Variants in PAX8 observed in about 807,000 individuals in gnomAD.
PAX8 encodes paired box 8.
Under a neutral mutation model 52.4 loss-of-function variants are expected in PAX8, and 15 were observed. The ratio of observed to expected loss-of-function variants is 0.29; its 90% CI spans 0.19 to 0.44. The LOEUF (loss-of-function observed/expected upper bound fraction) is 0.44, where lower values mean the gene tolerates loss of function less well. PAX8 is among the 20% of genes least tolerant of loss of function. The probability of loss-of-function intolerance (pLI) is 1.00; values close to 1 mark genes in which losing one functional copy is unlikely to be tolerated. For missense variants in PAX8, 554 were observed against 602.5 expected, an observed-to-expected ratio of 0.92 and a Z score of 0.84; for synonymous variants, 284 against 249.7, an observed-to-expected ratio of 1.14 and a Z score of -1.29.
At chr2:113,232,867 G>A (rs914918461) in intron 9 of PAX8, among the ~76,000 whole-genome samples, 7 of 151,898 alleles carry the variant, frequency 4.6e-5, no homozygotes, top group Non-Finnish European at 8.8e-5. Context: ...GCTTCTCCGC[G>A]GCTTCCACAG....
intron 10 of PAX8, among the ~76,000 whole-genome samples, chr2:113,220,871 A>C (rs1197425818): frequency 1.3e-5 from 2 of 152,124 alleles, no homozygotes; most frequent in Non-Finnish European, 1.5e-5. Context: ...TCAACGTATA[A>C]ATTTACACAA....
Position 113,235,555 on chromosome 2 carries a change from T to C in PAX8, c.926A>G (p.Gln309Arg), listed in dbSNP as rs1410685063. The change falls in exon 9 of 12, where the codon CAG (glutamine) becomes CGG (arginine). Residue 309 changes from glutamine to arginine, a missense_variant. Physicochemically the swap from Gln to Arg is conservative, Grantham distance 43 (BLOSUM62 1). This residue lies in a region of PAX8 where 445 missense variants were observed against 409.9 expected (regional missense o/e 1.09). Transcript: ENST00000429538. Reference sequence around the variant, plus strand: ...AGAACTGGACACCTCGGGGGTTTCCTGCTTTATGGCGAAGGGTGAGTGAGG... The same window carrying C: ...AGAACTGGACACCTCGGGGGTTTCCCGCTTTATGGCGAAGGGTGAGTGAGG... Reference protein sequence around the residue: ...ADPHSPFAIKQETPEVSSSSS... With the variant: ...ADPHSPFAIKRETPEVSSSSS... 1 of 1,613,326 alleles carries C rather than the reference T, an allele frequency of 6.2e-7. No homozygotes were observed. Among genetic ancestry groups the C allele is most frequent in the South Asian group, 1.1e-5 (1 of 91,040 alleles).
At chr2:113,258,066 T>G (rs750226774) in intron 2 of PAX8, among the ~76,000 whole-genome samples, 4 of 152,230 alleles carry the variant, frequency 2.6e-5, no homozygotes, top group Non-Finnish European at 5.9e-5. Flanking sequence ...GCAGCAGCAC[T>G]GTATTCCAGG....
chr2:113,236,538 A>C, intron 8 of PAX8, 63 bp downstream of exon 8: 3 of 1,525,740 alleles, frequency 2.0e-6, no homozygotes, highest in Middle Eastern at 2.1e-4. Context: ...CTTCCGCCTG[A>C]CAGCCAGCCA....
rs1364011398 is a variant in PAX8, at chr2:113,227,186, A to G, written c.1158T>C (p.Tyr386=). ...CCATGCCTGCGATGGCAGAGGAGGC[A>G]TAGCTGCCCTGTCCGCTGGTGGGGA... ...PHIPTSGQGS[Y]ASSAIAGMVA... The change falls in exon 10 of 12, where the codon TAT becomes TAC. Residue 386 remains tyrosine, a synonymous_variant. Transcript: ENST00000429538. 1.9e-6 allele frequency: 3 copies of G among 1,607,724 alleles called. No homozygotes were observed. The Admixed American group carries it at 5.1e-5, about 27-fold the overall frequency.
At position 113,241,619 on chromosome 2, in the gene PAX8, C is replaced by G. The variant is rs199890664; in HGVS notation, c.709G>C (p.Glu237Gln). The change falls in exon 7 of 12, where the codon GAG (glutamate) becomes CAG (glutamine). Residue 237 changes from glutamate (E) to glutamine (Q), a missense_variant. By Grantham distance (29) the Glu-to-Gln change is conservative. Transcript: ENST00000429538. ...AFSQHHLEPL[E>Q]CPFERQHYPE... ...TAGTGCTGCCGCTCAAATGGGCACT[C>G]GAGCGGCTCGAGGTGGTGCTGGCTG... is the stretch of plus-strand genomic sequence containing the variant. The G allele has an allele frequency of 4.3e-5, 69 of 1,613,534 alleles. No homozygotes were observed. Among genetic ancestry groups the G allele is most frequent in the Admixed American group, 1.0e-4 (6 of 59,992 alleles).
chr2:113,244,868 T>C lies in PAX8; in HGVS notation c.192-244A>G, dbSNP rs67081417. ...AAGGCCTCACCTTGGCTTCTCTCTC[T>C]TCCTTCCCTCTGGCCAGTCTCTTGT... On this transcript the variant is annotated intron_variant, in intron 3 of 11. Transcript: ENST00000429538. 0.17 allele frequency among the ~76,000 whole-genome samples: 25,584 copies of C among 152,004 alleles called. 2,225 individuals carry two copies. Among genetic ancestry groups the C allele is most frequent in the African/African-American group, 0.21 (8,631 of 41,428 alleles).
chr2:113,251,534 C>T (rs1343415040), intron 2 of PAX8, among the ~76,000 whole-genome samples: 1 of 152,128 alleles, frequency 6.6e-6, no homozygotes, highest in Non-Finnish European at 1.5e-5. Flanking sequence ...GTGAAAGGTA[C>T]TCAGACGGGA....
chr2:113,243,707 T>G (rs1353038522), intron 4 of PAX8, among the ~76,000 whole-genome samples: 1 of 152,232 alleles, frequency 6.6e-6, no homozygotes, highest in Non-Finnish European at 1.5e-5. Flanking sequence ...ACTGGTTTTC[T>G]TTTGATCCTA....
chr2:113,253,386 A>T (rs1290300585), intron 2 of PAX8, among the ~76,000 whole-genome samples: 1 of 151,956 alleles, frequency 6.6e-6, no homozygotes, highest in African/African-American at 2.4e-5. Context: ...TCTATTGGAG[A>T]TTTCCTCTTA....
At chr2:113,277,963 C>G (rs1248294269) in intron 2 of PAX8, among the ~76,000 whole-genome samples, 1 of 152,130 alleles carries the variant, frequency 6.6e-6, no homozygotes, top group Non-Finnish European at 1.5e-5. Flanking sequence ...AAGGACTGCG[C>G]GCACCCGAGG....
chr2:113,245,484 T>C (rs1018542834), intron 3 of PAX8, among the ~76,000 whole-genome samples: 3 of 152,156 alleles, frequency 2.0e-5, no homozygotes, highest in African/African-American at 7.2e-5. Context: ...TCACTGGTTT[T>C]CTATCAGGTT....
Position 113,217,952 on chromosome 2 carries a change from A to G in PAX8, c.*581T>C, listed in dbSNP as rs1689081680. On this transcript the variant is annotated 3_prime_UTR_variant, in exon 12 of 12. Transcript: ENST00000429538. ...AGCCCTCAGCCCATGCCCAAGAGGG[A>G]GGTGTAGAAAGAGCCAAGCAAATGG... is the stretch of plus-strand genomic sequence containing the variant. 2.1e-5 allele frequency: 5 copies of G among 233,224 alleles called. No individual in the cohort carries two copies. In the East Asian group the frequency reaches 3.0e-4, roughly 14 times the overall value. 14.4% of individuals were successfully genotyped at this position (233,224 alleles called of 1,614,324 possible).
intron 10 of PAX8, among the ~76,000 whole-genome samples, chr2:113,224,471 C>T (rs1394869673): frequency 4.7e-5 from 7 of 148,660 alleles, no homozygotes; most frequent in African/African-American, 7.5e-5. Context: ...CACTTGAACC[C>T]GGGAGGCAGA....
chr2:113,261,822 G>T (rs1020392775), intron 2 of PAX8, among the ~76,000 whole-genome samples: 10 of 144,082 alleles, frequency 6.9e-5, no homozygotes, highest in African/African-American at 2.6e-4. Context: ...AAGATTTTAG[G>T]TTTTTTTTTT....
chr2:113,235,338 G>T, intron 9 of PAX8, 56 bp downstream of exon 9: 1 of 1,453,930 alleles, frequency 6.9e-7, no homozygotes, highest in Non-Finnish European at 9.3e-7. Context: ...CTGCCCTGAG[G>T]ACCCCCGTCC....
At chr2:113,236,537 G>T in intron 8 of PAX8, 64 bp downstream of exon 8, 2 of 1,524,750 alleles carry the variant, frequency 1.3e-6, no homozygotes, top group Non-Finnish European at 1.8e-6. Flanking sequence ...CCTTCCGCCT[G>T]ACAGCCAGCC....
intron 9 of PAX8, among the ~76,000 whole-genome samples, chr2:113,231,646 A>G (rs1450908711): frequency 6.6e-6 from 1 of 152,186 alleles, no homozygotes; most frequent in Non-Finnish European, 1.5e-5. Context: ...ATGGAATGAA[A>G]ACTCACTGTG....
chr2:113,217,636 G>A lies in PAX8; in HGVS notation c.*897C>T, dbSNP rs745424024. ...TGGGTCCCTTCAGTAGCTGGTGGGC[G>A]TGAGCTGCAGGAAGCACATTTGGCT... On this transcript the variant is annotated 3_prime_UTR_variant, in exon 12 of 12. Transcript: ENST00000429538. The A allele has an allele frequency of 3.4e-4, 79 of 231,332 alleles. No homozygotes were observed. Among genetic ancestry groups the A allele is most frequent in the Admixed American group, 3.4e-4 (6 of 17,706 alleles). The allele number at this position is 231,332 out of a possible 1,614,324, so 14.3% of individuals were successfully genotyped here. A position where few individuals can be genotyped will look rare whatever the true frequency, so the allele number is the denominator to read the frequency against.
Sources: gnomAD v4.1 joint callset for allele counts (sites outside exome capture counted in the v4.1 genomes callset) on GRCh38, gnomAD v4.1.1 for gene constraint, gnomAD v4.1.1 regional missense constraint, MANE v1.5 for transcripts, NCBI Gene and HGNC (gene_info 2026-07-23, HGNC 2026-07-21) for gene names.